The following DLG2 variants were observed in gnomAD, a reference collection of about 807,000 sequenced individuals.
DLG2 encodes the protein disks large homolog 2.
DLG2 carries 45 observed loss-of-function variants against 132.5 expected under a neutral mutation model. The observed-to-expected ratio is 0.34, with a 90% CI of 0.27 to 0.44. The LOEUF (loss-of-function observed/expected upper bound fraction) is 0.44, where lower values mean the gene tolerates loss of function less well. DLG2 is among the 20% of genes least tolerant of loss of function. DLG2 has a pLI of 1.00. For synonymous variants in DLG2, 424 were observed against 419.6 expected (o/e 1.01, Z -0.13); for missense variants, 1,045 against 1,196.9 (o/e 0.87, Z 1.87).
intron 7 of DLG2, among the ~76,000 whole-genome samples, chr11:84,353,047 T>C (rs1045042060): frequency 2.0e-5 from 3 of 152,204 alleles, no homozygotes; most frequent in Non-Finnish European, 4.4e-5. Flanking sequence ...TTCAAATATC[T>C]GTTCCACTTT....
At position 84,243,017 on chromosome 11, in the gene DLG2, C is replaced by CTCTCTATATATA. The variant is rs542476924; in HGVS notation, c.573+8220_573+8221insTATATATAGAGA. Among the ~76,000 whole-genome samples, 680 of 142,132 alleles carry CTCTCTATATATA rather than the reference C, an allele frequency of 4.8e-3. 4 individuals are homozygous for CTCTCTATATATA. The highest frequency in any genetic ancestry group is 9.5e-3 in the South Asian group (41 of 4,332). The allele number at this position is 142,132 out of a possible 152,430, so 93.2% of individuals were successfully genotyped here. A position where few individuals can be genotyped will look rare whatever the true frequency, so the allele number is the denominator to read the frequency against. Reference sequence around the variant, plus strand: ...GTTCTCTCTCTCTCTCTCTCTCTCTCTATATATATATATATATATATACAC... The same window carrying CTCTCTATATATA: ...GTTCTCTCTCTCTCTCTCTCTCTCTCTCTCTATATATATATATATATATATATATATATACAC... On this transcript the variant is annotated intron_variant, in intron 8 of 27. Transcript: ENST00000376104.
At chr11:84,405,372 G>T (rs1197970000) in intron 7 of DLG2, among the ~76,000 whole-genome samples, 1 of 152,012 alleles carries the variant, frequency 6.6e-6, no homozygotes, top group African/African-American at 2.4e-5. Context: ...TATTATCTCT[G>T]CCTGACATGC....
At chr11:84,227,865 G>T (rs759903064) in intron 8 of DLG2, among the ~76,000 whole-genome samples, 13 of 139,776 alleles carry the variant, frequency 9.3e-5, no homozygotes, top group Non-Finnish European at 1.4e-4. Context: ...AATGAACTAA[G>T]ATCACACCAC....
chr11:83,980,109 T>C (rs1156963530), intron 12 of DLG2, among the ~76,000 whole-genome samples: 1 of 152,174 alleles, frequency 6.6e-6, no homozygotes, highest in East Asian at 1.9e-4. Flanking sequence ...TCCCTGTGAC[T>C]GTATTTGAGG....
rs574277203 is a variant in DLG2 at position 84,373,152 on chromosome 11, T to C, written c.520-121861A>G. Among the ~76,000 whole-genome samples, 276 of 148,080 alleles carry C rather than the reference T, an allele frequency of 1.9e-3. 1 individual carries two copies. Among genetic ancestry groups the C allele is most frequent in the African/African-American group, 5.9e-3 (236 of 39,876 alleles). ...TTTTTCAGTTTGTGGAGGAAACAAA[T>C]GCAAGGCCAACGTTCAAACTCCAGA... On this transcript the variant is annotated intron_variant, in intron 7 of 27. Transcript: ENST00000376104.
chr11:84,020,737 A>G (rs1386022691), intron 11 of DLG2, among the ~76,000 whole-genome samples: 1 of 152,216 alleles, frequency 6.6e-6, no homozygotes, highest in Non-Finnish European at 1.5e-5. Context: ...TGCTATCTGC[A>G]TAGCCCCTTC....
intron 7 of DLG2, among the ~76,000 whole-genome samples, chr11:84,424,928 T>G (rs533569372): frequency 6.6e-6 from 1 of 152,156 alleles, no homozygotes; most frequent in East Asian, 1.9e-4. Context: ...CAAGACAGAA[T>G]AAATAAGAGG....
intron 3 of DLG2, among the ~76,000 whole-genome samples, chr11:85,388,670 AG>A (rs1190527836): frequency 6.6e-6 from 1 of 152,184 alleles, no homozygotes; most frequent in Non-Finnish European, 1.5e-5. Flanking sequence ...ATCATATCAC[AG>A]GACTCTTTGC....
At chr11:84,365,072 G>A (rs1324515521) in intron 7 of DLG2, among the ~76,000 whole-genome samples, 2 of 152,108 alleles carry the variant, frequency 1.3e-5, no homozygotes, top group Admixed American at 1.3e-4. Context: ...GATTGGAATA[G>A]TTTCAGAAGG....
At chr11:84,978,625 A>C (rs1240823217) in intron 6 of DLG2, among the ~76,000 whole-genome samples, 1 of 152,226 alleles carries the variant, frequency 6.6e-6, no homozygotes, top group Admixed American at 6.5e-5. Context: ...TAGAAAGCTG[A>C]AACTGGATCC....
intron 6 of DLG2, among the ~76,000 whole-genome samples, chr11:85,099,829 A>G (rs1035513604): frequency 1.3e-5 from 2 of 152,204 alleles, no homozygotes; most frequent in East Asian, 1.9e-4. Flanking sequence ...GATGCCCAGG[A>G]GAGTTCACAA....
intron 6 of DLG2, among the ~76,000 whole-genome samples, chr11:84,615,413 G>A (rs764965709): frequency 2.6e-5 from 4 of 152,016 alleles, no homozygotes; most frequent in Admixed American, 6.6e-5. Context: ...TTAAAGGTAT[G>A]GAAATGTTTG....
intron 5 of DLG2, among the ~76,000 whole-genome samples, chr11:85,112,451 G>C (rs2072923417): frequency 6.6e-6 from 1 of 151,752 alleles, no homozygotes; most frequent in South Asian, 2.1e-4. Flanking sequence ...ACACCCCTTT[G>C]ATAATGAAAA....
At chr11:84,858,529 C>G (rs1306648743) in intron 6 of DLG2, among the ~76,000 whole-genome samples, 1 of 152,056 alleles carries the variant, frequency 6.6e-6, no homozygotes, top group African/African-American at 2.4e-5. Context: ...AATTAAGAAA[C>G]TTCCCAATTG....
At chr11:85,046,859 C>A (rs1030626152) in intron 6 of DLG2, among the ~76,000 whole-genome samples, 4 of 151,726 alleles carry the variant, frequency 2.6e-5, no homozygotes, top group Admixed American at 2.0e-4. Flanking sequence ...CAAACTTGCA[C>A]GTCATCTCCT....
intron 6 of DLG2, among the ~76,000 whole-genome samples, chr11:84,552,946 A>C (rs528524692): frequency 4.8e-4 from 73 of 152,160 alleles, no homozygotes; most frequent in Non-Finnish European, 8.4e-4. Context: ...TCTCTTGCTA[A>C]AGTACTATCT....
chr11:84,110,911 C>CA (rs2093312889), intron 9 of DLG2, among the ~76,000 whole-genome samples: 1 of 152,106 alleles, frequency 6.6e-6, no homozygotes, highest in Admixed American at 6.5e-5. Flanking sequence ...AACTGCTCAC[C>CA]ATTCAGTGAA....
At chr11:84,650,936 T>C (rs955905723) in intron 6 of DLG2, among the ~76,000 whole-genome samples, 9 of 142,578 alleles carry the variant, frequency 6.3e-5, no homozygotes, top group Non-Finnish European at 1.4e-4. Context: ...ACCGTTTGCA[T>C]GGTAAAATTT....
At chr11:83,599,825 G>A (rs552194089) in intron 19 of DLG2, among the ~76,000 whole-genome samples, 33 of 152,298 alleles carry the variant, frequency 2.2e-4, no homozygotes, top group African/African-American at 7.9e-4. Flanking sequence ...TTGAAAAGCA[G>A]TATTAGTAGT....
Sources: gnomAD v4.1 joint callset for allele counts (sites outside exome capture counted in the v4.1 genomes callset) on GRCh38, gnomAD v4.1.1 for gene constraint, MANE v1.5 for transcripts, NCBI Gene and HGNC (gene_info 2026-07-23, HGNC 2026-07-21) for gene names.